Variants in UTS2 observed in about 807,000 individuals in gnomAD.
UTS2 encodes urotensin-2.
UTS2 carries 10 observed loss-of-function variants against 12.6 expected under a neutral mutation model. The ratio of observed to expected loss-of-function variants is 0.80; its 90% CI spans 0.49 to 1.35. The LOEUF (loss-of-function observed/expected upper bound fraction) is 1.35, where lower values mean the gene tolerates loss of function less well. UTS2 is among the 40% of genes most tolerant of loss of function. The probability of loss-of-function intolerance (pLI) is 0.00; values close to 1 mark genes in which losing one functional copy is unlikely to be tolerated. For missense variants in UTS2, 142 were observed against 143.2 expected, an observed-to-expected ratio of 0.99 and a Z score of 0.04; for synonymous variants, 52 against 50.0, an observed-to-expected ratio of 1.04 and a Z score of -0.17.
At chr1:7,855,682 CATTATT>C (rs35860049), upstream of UTS2, among the ~76,000 whole-genome samples, 17 of 147,558 alleles carry the variant, frequency 1.2e-4, 1 homozygote, top group South Asian at 4.4e-4. Flanking sequence ...CACATCTGGC[CATTATT>C]ATTATTATTA....
the UTS2 span, among the ~76,000 whole-genome samples, chr1:7,863,980 G>C: frequency 6.6e-6 from 1 of 152,206 alleles, no homozygotes; most frequent in African/African-American, 2.4e-5. Flanking sequence ...GTCTGCCCGG[G>C]AGAATTCACA....
Position 7,847,813 on chromosome 1 carries a change from A to G in UTS2, c.328T>C (p.Tyr110His), listed in dbSNP as rs370981443. 3.1e-6 allele frequency: 5 copies of G among 1,613,934 alleles called. No individual in the cohort carries two copies. The highest frequency in any genetic ancestry group is 1.3e-5 in the African/African-American group (1 of 74,900). ...CAATCAGGAGTCTCACGTTTCTTGT[A>G]TGGTTTCCAGATTCTGGCCAAAAGA... ...SHLLARIWKP[Y>H]KKRETPDCFW... Residue 110 changes from tyrosine (Y) to histidine (H), a missense_variant, in exon 4 of 4, where the codon TAC (tyrosine) becomes CAC (histidine). By Grantham distance (83) the Tyr-to-His change is moderately conservative (BLOSUM62 2). Coordinates refer to ENST00000361696, the MANE Select transcript of UTS2 (RefSeq NM_006786.4).
chr1:7,854,356 A>G (rs1282697047), upstream of UTS2, among the ~76,000 whole-genome samples: 10 of 111,400 alleles, frequency 9.0e-5, no homozygotes, highest in Admixed American at 4.3e-4. Context: ...AAAAAAAAAA[A>G]AGAGAAGGAG....
chr1:7,862,626 C>T, the UTS2 span, among the ~76,000 whole-genome samples: 1 of 152,082 alleles, frequency 6.6e-6, no homozygotes, highest in Admixed American at 6.5e-5. Context: ...GACCACATGG[C>T]AGGACAGGAA....
the UTS2 span, among the ~76,000 whole-genome samples, chr1:7,897,207 C>T: frequency 2.5e-4 from 38 of 152,272 alleles, no homozygotes; most frequent in African/African-American, 6.5e-4. Flanking sequence ...AATCACTGTA[C>T]GTGTAGTAAA....
the UTS2 span, among the ~76,000 whole-genome samples, chr1:7,891,945 G>C: frequency 5.9e-5 from 9 of 152,162 alleles, no homozygotes; most frequent in African/African-American, 2.2e-4. Flanking sequence ...GGATGGCTCT[G>C]CCTGTGGTCT....
At chr1:7,882,453 G>A in the UTS2 span, among the ~76,000 whole-genome samples, 51 of 152,224 alleles carry the variant, frequency 3.4e-4, no homozygotes, top group African/African-American at 1.2e-3. Context: ...AGACTTAAAT[G>A]TTAAGACCTT....
At chr1:7,860,692 C>A in the UTS2 span, among the ~76,000 whole-genome samples, 1 of 151,964 alleles carries the variant, frequency 6.6e-6, no homozygotes, top group African/African-American at 2.4e-5. Flanking sequence ...CCTCGGCCTC[C>A]CAAGGTGCTG....
upstream of UTS2, among the ~76,000 whole-genome samples, chr1:7,856,128 G>A (rs1638300041): frequency 1.3e-5 from 2 of 152,074 alleles, no homozygotes; most frequent in Non-Finnish European, 2.9e-5. Flanking sequence ...TCCACACCTG[G>A]CTATCGCACT....
chr1:7,890,862 A>G, the UTS2 span, among the ~76,000 whole-genome samples: 1 of 142,058 alleles, frequency 7.0e-6, no homozygotes, highest in East Asian at 2.0e-4. Flanking sequence ...AAAAAAAAAA[A>G]CCTAACCACT....
chr1:7,909,568 A>G, the UTS2 span, among the ~76,000 whole-genome samples: 8 of 151,878 alleles, frequency 5.3e-5, no homozygotes, highest in Admixed American at 5.3e-4. Context: ...AAAAAGAAAA[A>G]AAAATTTAGG....
chr1:7,878,359 A>G, the UTS2 span, among the ~76,000 whole-genome samples: 3 of 152,242 alleles, frequency 2.0e-5, no homozygotes. Context: ...TCACTGGTAG[A>G]GCAAACACAC....
chr1:7,867,827 G>C, the UTS2 span, among the ~76,000 whole-genome samples: 5 of 152,138 alleles, frequency 3.3e-5, no homozygotes, highest in African/African-American at 1.2e-4. Flanking sequence ...AGTGAGGTGA[G>C]ATGGCACAAT....
the UTS2 span, among the ~76,000 whole-genome samples, chr1:7,862,368 AGAATACCTGAGGATACCTGC>A: frequency 5.7e-4 from 87 of 151,984 alleles, no homozygotes; most frequent in Non-Finnish European, 1.0e-3. Flanking sequence ...TTGCTGTAAG[AGAATACCTGAGGATACCTGC>A]GAATACCTGA....
chr1:7,895,226 A>G, the UTS2 span, among the ~76,000 whole-genome samples: 12,277 of 152,036 alleles, frequency 0.081, 1,418 homozygotes, highest in East Asian at 0.54. Context: ...AAAATTAGCC[A>G]GGCATGGTGG....
At chr1:7,905,428 A>AGC in the UTS2 span, among the ~76,000 whole-genome samples, 152,142 of 152,146 alleles carry the variant, frequency 1, 76,069 homozygotes, top group Middle Eastern at 1. Context: ...TATAGGCGTG[A>AGC]CGCCGTGCCA....
At chr1:7,904,525 T>C in the UTS2 span, among the ~76,000 whole-genome samples, 2 of 151,860 alleles carry the variant, frequency 1.3e-5, no homozygotes, top group African/African-American at 4.8e-5. Flanking sequence ...TCAATTTGTT[T>C]TTACTTTGAT....
chr1:7,907,970 A>G, the UTS2 span, among the ~76,000 whole-genome samples: 1 of 152,028 alleles, frequency 6.6e-6, no homozygotes, highest in Non-Finnish European at 1.5e-5. Flanking sequence ...GTTCAAGACC[A>G]GCCTGACCAA....
chr1:7,893,961 G>A, the UTS2 span, among the ~76,000 whole-genome samples: 1 of 152,142 alleles, frequency 6.6e-6, no homozygotes, highest in South Asian at 2.1e-4. Flanking sequence ...GGCATAGCTA[G>A]AGAGAGAATT....
Sources: gnomAD v4.1 joint callset for allele counts (sites outside exome capture counted in the v4.1 genomes callset) on GRCh38, gnomAD v4.1.1 for gene constraint, MANE v1.5 for transcripts, NCBI Gene and HGNC (gene_info 2026-07-23, HGNC 2026-07-21) for gene names.